The following TRAPPC10 variants were observed in gnomAD, a reference collection of about 807,000 sequenced individuals.
TRAPPC10 encodes the protein trafficking protein particle complex subunit 10, also known as TRAPP 130 kDa subunit.
A neutral mutation model predicts 125.5 loss-of-function variants in TRAPPC10; 23 were observed. The ratio of observed to expected loss-of-function variants is 0.18; its 90% confidence interval spans 0.13 to 0.26. TRAPPC10 has a LOEUF of 0.26. Among genes scored for constraint, TRAPPC10 ranks in the 10% least tolerant of loss-of-function variants. The pLI, the probability that TRAPPC10 is intolerant of heterozygous loss-of-function variation, is 1.00. For missense variants in TRAPPC10, 1,123 were observed against 1,308.4 expected (o/e 0.86, Z 2.19); for synonymous variants, 509 against 518.0 (o/e 0.98, Z 0.24).
chr21:44,057,366 C>G (rs149711017), intron 5 of TRAPPC10, among the ~76,000 whole-genome samples: 4 of 151,730 alleles, frequency 2.6e-5, no homozygotes, highest in African/African-American at 9.7e-5. Flanking sequence ...GTGGTGCGAT[C>G]TCGGCTCACT....
chr21:44,061,801 C>T (rs952466337), intron 6 of TRAPPC10, among the ~76,000 whole-genome samples: 1 of 152,136 alleles, frequency 6.6e-6, no homozygotes, highest in Non-Finnish European at 1.5e-5. Flanking sequence ...CTAAAACTGC[C>T]AATCACAGTT....
At chr21:44,031,653 T>G (rs2033593755) in intron 1 of TRAPPC10, among the ~76,000 whole-genome samples, 1 of 152,216 alleles carries the variant, frequency 6.6e-6, no homozygotes, top group African/African-American at 2.4e-5. Flanking sequence ...CCTATAAATT[T>G]TAGCTCCTCC....
chr21:44,084,917 A>G (rs2038023431), intron 15 of TRAPPC10, among the ~76,000 whole-genome samples: 1 of 152,238 alleles, frequency 6.6e-6, no homozygotes, highest in South Asian at 2.1e-4. Flanking sequence ...AGGGTGAGGT[A>G]TGGGGAAAGG....
chr21:44,041,609 T>G (rs1438519075), intron 3 of TRAPPC10, among the ~76,000 whole-genome samples: 1 of 151,692 alleles, frequency 6.6e-6, no homozygotes, highest in Non-Finnish European at 1.5e-5. Flanking sequence ...CGACCTCAGG[T>G]GATCTGCCTG....
chr21:44,081,453 C>G (rs567668299), intron 13 of TRAPPC10, among the ~76,000 whole-genome samples: 5 of 152,206 alleles, frequency 3.3e-5, no homozygotes, highest in African/African-American at 1.2e-4. Flanking sequence ...GCCACCATGC[C>G]TGGCCACCAC....
intron 4 of TRAPPC10, among the ~76,000 whole-genome samples, chr21:44,053,897 G>A (rs1489442055): frequency 1.4e-5 from 2 of 147,070 alleles, no homozygotes; most frequent in Non-Finnish European, 2.9e-5. Context: ...CTTCTGAAGT[G>A]TAGTTCTTTT....
chr21:44,082,913 C>T lies in TRAPPC10; in HGVS notation c.1849C>T (p.Pro617Ser). The T allele has an allele frequency of 1.2e-6, 2 of 1,614,050 alleles. No homozygotes were observed. Among genetic ancestry groups the T allele is most frequent in the Non-Finnish European group, 1.7e-6 (2 of 1,180,012 alleles). Reference sequence around the variant, plus strand: ...TGAGATAACCATGTACAGCCAGATGCCTGTGCCTGTTCACGTGGAGCAGAT... The same window carrying T: ...TGAGATAACCATGTACAGCCAGATGTCTGTGCCTGTTCACGTGGAGCAGAT... ...CVEITMYSQM[P>S]VPVHVEQIVV... Residue 617 changes from proline to serine, a missense_variant, in exon 14 of 23, where the codon CCT becomes TCT. Pro to Ser is a moderately conservative substitution (Grantham distance 74, BLOSUM62 -1). Around this residue, in one of 4 missense-constraint regions of TRAPPC10, gnomAD observed 840 missense variants for 902.0 expected, o/e 0.93. Transcript: ENST00000291574. This position sits in a 1 kb window ranked among gnomAD's most constrained non-coding sequence, Gnocchi z 4.4.
intron 3 of TRAPPC10, chr21:44,046,358 G>A (rs565345488): frequency 2.9e-5 from 8 of 276,250 alleles, no homozygotes; most frequent in Middle Eastern, 7.4e-4. Context: ...TAGACAGTCC[G>A]CTGTTGTCCC....
chr21:44,065,725 G>A lies in TRAPPC10; in HGVS notation c.1038+1940G>A, dbSNP rs184565376. On this transcript the variant is annotated intron_variant, in intron 7 of 22. Transcript: ENST00000291574. ...GCCAGAGAGGACAGCCTCCCTTGTC[G>A]CTTGTGTTGAAGCCCACACAATCCT... is the stretch of plus-strand genomic sequence containing the variant. Among the ~76,000 whole-genome samples, 377 of 152,296 alleles carry A rather than the reference G, an allele frequency of 2.5e-3. 3 individuals are homozygous for A. The highest frequency in any genetic ancestry group is 1.3e-3 in the Non-Finnish European group (88 of 68,018).
In TRAPPC10 at chr21:44,052,198, C is replaced by T. The variant is rs543166778; in HGVS notation, c.286-82C>T. On this transcript the variant is annotated intron_variant, in intron 3 of 22. Transcript: ENST00000291574. ...ATGCTTTAAAACATTGCGGCCTTTG[C>T]AGGCTGTTATTAGGCACATTTTGCT... 1.7e-5 allele frequency: 21 copies of T among 1,217,356 alleles called. No individual in the cohort carries two copies. The South Asian group carries it at 3.1e-4, about 18-fold the overall frequency. 75.4% of individuals were successfully genotyped at this position (1,217,356 alleles called of 1,614,324 possible).
chr21:44,064,679 G>A (rs1204642623), intron 7 of TRAPPC10, among the ~76,000 whole-genome samples: 1 of 152,090 alleles, frequency 6.6e-6, no homozygotes, highest in East Asian at 1.9e-4. Flanking sequence ...TGGGGACGGT[G>A]TTTCATAATA....
rs1199440589 is a variant in TRAPPC10, at chr21:44,059,893, A to C, written c.790+679A>C. The C allele has an allele frequency of 5.1e-6, 1 of 195,560 alleles. No individual in the cohort carries two copies. Among genetic ancestry groups the C allele is most frequent in the Admixed American group, 5.5e-5 (1 of 18,020 alleles). 12.1% of individuals were successfully genotyped at this position (195,560 alleles called of 1,614,324 possible). On this transcript the variant is annotated intron_variant, in intron 6 of 22. Coordinates refer to ENST00000291574, the MANE Select transcript of TRAPPC10 (RefSeq NM_003274.5). The surrounding 1 kb of genome is among the most constrained non-coding windows in gnomAD (Gnocchi z 4.4). ...CAATTGGTATTCCTGGCTTGATTCC[A>C]TTACCTGGTGTTGGACATTGGGTTC...
chr21:44,089,594 T>C (rs1021936350), intron 17 of TRAPPC10: 4 of 553,564 alleles, frequency 7.2e-6, no homozygotes, highest in South Asian at 1.5e-5. Flanking sequence ...ACTCTGGTGA[T>C]GTGTGCATGT....
chr21:44,059,741 G>A lies in TRAPPC10; in HGVS notation c.790+527G>A. On this transcript the variant is annotated intron_variant, in intron 6 of 22. Transcript: ENST00000291574. The surrounding 1 kb of genome is among the most constrained non-coding windows in gnomAD (Gnocchi z 4.4). ...GTTATTGTCCTCAGTGTTTTTCGCT[G>A]ATACTTATTTTGATGAAAGTGATAC... The A allele has an allele frequency of 2.2e-6, 1 of 461,388 alleles. No homozygotes were observed. 28.6% of individuals were successfully genotyped at this position (461,388 alleles called of 1,614,324 possible). A position where few individuals can be genotyped will look rare whatever the true frequency, so the allele number is the denominator to read the frequency against.
chr21:44,020,365 A>G (rs1333385505), intron 1 of TRAPPC10, among the ~76,000 whole-genome samples: 2 of 152,006 alleles, frequency 1.3e-5, no homozygotes, highest in African/African-American at 4.8e-5. Flanking sequence ...TGACCTTGTG[A>G]TCTGCCCGCC....
At chr21:44,080,701 C>G (rs1418289099) in intron 13 of TRAPPC10, among the ~76,000 whole-genome samples, 1 of 151,936 alleles carries the variant, frequency 6.6e-6, no homozygotes, top group African/African-American at 2.4e-5. Context: ...CCATGCCCTG[C>G]TAATTTTTTG....
intron 4 of TRAPPC10, among the ~76,000 whole-genome samples, chr21:44,055,377 C>T (rs2035507446): frequency 6.6e-6 from 1 of 151,934 alleles, no homozygotes; most frequent in South Asian, 2.1e-4. Flanking sequence ...ATTGTTTGAG[C>T]CCAGGAGTTC....
chr21:44,063,775 A>G lies in TRAPPC10; in HGVS notation c.1028A>G (p.Lys343Arg). Residue 343 changes from lysine (K) to arginine (R), a missense_variant, in exon 7 of 23, where the codon AAG (lysine) becomes AGG (arginine). Lys to Arg is a conservative substitution (Grantham distance 26, BLOSUM62 2). This residue lies in a region of TRAPPC10 where 840 missense variants were observed against 902.0 expected (regional missense o/e 0.93). Transcript: ENST00000291574. This position sits in a 1 kb window ranked among gnomAD's most constrained non-coding sequence, Gnocchi z 4.4. ...ELLHNCVQEL[K>R]LLEVSVPPGA... is the part of the protein sequence containing the mutation. The stretch of plus-strand genomic sequence containing the variant: ...CTGCACAACTGCGTGCAGGAACTGA[A>G]GCTCTTAGAAGTGAGTCGGCTGTTT... 6.2e-7 allele frequency: 1 copy of G among 1,611,388 alleles called. No individual in the cohort carries two copies.
intron 17 of TRAPPC10, chr21:44,089,305 T>C: frequency 2.9e-6 from 1 of 348,026 alleles, no homozygotes; most frequent in East Asian, 7.7e-5. Flanking sequence ...GCTTCCTTCC[T>C]GCCCTTAAGG....
Sources: gnomAD v4.1 joint callset for allele counts (sites outside exome capture counted in the v4.1 genomes callset) on GRCh38, gnomAD v4.1.1 for gene constraint, gnomAD v4.1.1 regional missense constraint, Gnocchi (gnomAD v3.1) non-coding constraint, MANE v1.5 for transcripts, NCBI Gene and HGNC (gene_info 2026-07-23, HGNC 2026-07-21) for gene names.